The following WDPCP variants were observed in gnomAD, a reference collection of about 807,000 sequenced individuals.
WDPCP encodes WD repeat containing planar cell polarity effector.
Under a neutral mutation model 93.1 loss-of-function variants are expected in WDPCP, and 71 were observed. That is an observed-to-expected ratio of 0.76 (90% CI 0.63 to 0.93). WDPCP has a LOEUF of 0.93. Ranked by LOEUF, WDPCP falls within the 40% of genes least tolerant of loss-of-function variation. The pLI is 0.00. For synonymous variants in WDPCP, 315 were observed against 315.0 expected, an observed-to-expected ratio of 1.00 and a Z score of 0.00; for missense variants, 844 against 887.4, an observed-to-expected ratio of 0.95 and a Z score of 0.62.
At chr2:63,457,809 C>G (rs1054253462) in intron 6 of WDPCP, among the ~76,000 whole-genome samples, 1 of 152,070 alleles carries the variant, frequency 6.6e-6, no homozygotes, top group African/African-American at 2.4e-5. Flanking sequence ...ATCCATCATA[C>G]TGAATAAGGA....
intron 2 of WDPCP, among the ~76,000 whole-genome samples, chr2:63,685,042 A>G (rs116709621): frequency 0.011 from 1,733 of 152,254 alleles, 14 homozygotes; most frequent in Non-Finnish European, 0.013. Context: ...TTCAAATAAC[A>G]ATGCATCATA....
chr2:63,837,031 A>G, the WDPCP span, among the ~76,000 whole-genome samples: 1 of 152,250 alleles, frequency 6.6e-6, no homozygotes, highest in Admixed American at 6.5e-5. Flanking sequence ...GCTCTGATGT[A>G]AAAGTTATAT....
chr2:63,617,887 A>G (rs1709690049), intron 3 of WDPCP, among the ~76,000 whole-genome samples: 1 of 152,222 alleles, frequency 6.6e-6, no homozygotes, highest in Admixed American at 6.5e-5. Flanking sequence ...TCATATGCAT[A>G]TATGTACACA....
At chr2:63,429,973 TTA>T (rs956489336) in intron 9 of WDPCP, among the ~76,000 whole-genome samples, 1 of 114,378 alleles carries the variant, frequency 8.7e-6, no homozygotes, top group Non-Finnish European at 1.8e-5. Flanking sequence ...AAAGAAAATG[TTA>T]TACACACACA....
chr2:63,139,094 C>T (rs777237743), intron 17 of WDPCP, among the ~76,000 whole-genome samples: 17 of 151,108 alleles, frequency 1.1e-4, no homozygotes, highest in Admixed American at 3.9e-4. Flanking sequence ...TATATATATA[C>T]GTGTATATAC....
intron 10 of WDPCP, among the ~76,000 whole-genome samples, chr2:63,392,804 C>T (rs1575313910): frequency 1.3e-5 from 2 of 152,310 alleles, no homozygotes; most frequent in African/African-American, 4.8e-5. Flanking sequence ...CATCACTGGT[C>T]ATCAGAGAAA....
chr2:63,831,538 T>C (rs771283495), upstream of WDPCP, among the ~76,000 whole-genome samples: 1 of 152,190 alleles, frequency 6.6e-6, no homozygotes, highest in African/African-American at 2.4e-5. Context: ...TATCCTTTTA[T>C]ATTGATGCTA....
At chr2:63,248,708 T>C (rs1281211020) in intron 14 of WDPCP, among the ~76,000 whole-genome samples, 7 of 152,172 alleles carry the variant, frequency 4.6e-5, no homozygotes, top group Non-Finnish European at 8.8e-5. Context: ...TAGTTCACTT[T>C]TCATAATTCT....
chr2:63,810,030 ACTACT>A (rs1670838437), intron 2 of WDPCP, among the ~76,000 whole-genome samples: 2 of 152,212 alleles, frequency 1.3e-5, no homozygotes, highest in Non-Finnish European at 1.5e-5. Context: ...CAGAATCCAC[ACTACT>A]CTACAACATT....
At chr2:63,495,024 G>A (rs1701142393) in intron 1 of WDPCP, among the ~76,000 whole-genome samples, 1 of 151,938 alleles carries the variant, frequency 6.6e-6, no homozygotes, top group Admixed American at 6.6e-5. Flanking sequence ...GGAGGAAACA[G>A]GCTACAATAG....
chr2:63,638,968 A>G (rs527714770), intron 3 of WDPCP, among the ~76,000 whole-genome samples: 1 of 152,332 alleles, frequency 6.6e-6, no homozygotes, highest in South Asian at 2.1e-4. Flanking sequence ...ACACTCAAAG[A>G]ATAATAAGGG....
chr2:63,371,816 T>A (rs1691421316), intron 12 of WDPCP, among the ~76,000 whole-genome samples: 1 of 152,122 alleles, frequency 6.6e-6, no homozygotes, highest in South Asian at 2.1e-4. Context: ...AATCTGGCAA[T>A]CTTATTTAAA....
In WDPCP at chr2:63,186,072, T is replaced by C. The variant is rs565083254; in HGVS notation, c.1916-11240A>G. ...TGAAGACCAGGGCAGCCAAAGCTCC[T>C]AGACCAGGTGAGCTGGTGTGGGAAT... is the stretch of plus-strand genomic sequence containing the variant. On this transcript the variant is annotated intron_variant, in intron 14 of 17. Transcript: ENST00000272321. Among the ~76,000 whole-genome samples, 6 of 152,312 alleles carry C rather than the reference T, an allele frequency of 3.9e-5. No homozygotes were observed. In the East Asian group the frequency reaches 1.2e-3, roughly 29 times the overall value.
intron 13 of WDPCP, among the ~76,000 whole-genome samples, chr2:63,263,152 A>G (rs1224149478): frequency 6.6e-6 from 1 of 152,172 alleles, no homozygotes; most frequent in African/African-American, 2.4e-5. Flanking sequence ...TGAAAGACAT[A>G]TCTAGTATCT....
In WDPCP at chr2:63,455,944, A is replaced by G. The variant is rs537373507; in HGVS notation, c.385-16073T>C. Among the ~76,000 whole-genome samples, 7 of 152,234 alleles carry G rather than the reference A, an allele frequency of 4.6e-5. No individual in the cohort carries two copies. In the South Asian group the frequency reaches 1.2e-3, roughly 27 times the overall value. ...GTTAGGCCACAAAAAAAGTCTCAAC[A>G]AAAGTTTGAAAATGGAAATCATATC... is the stretch of plus-strand genomic sequence containing the variant. On this transcript the variant is annotated intron_variant, in intron 6 of 17. Coordinates refer to ENST00000272321, the MANE Select transcript of WDPCP (RefSeq NM_015910.7).
At chr2:63,773,796 TGAAA>T (rs893190265) in intron 2 of WDPCP, among the ~76,000 whole-genome samples, 1 of 152,096 alleles carries the variant, frequency 6.6e-6, no homozygotes, top group African/African-American at 2.4e-5. Context: ...AACATTATTC[TGAAA>T]GAGAGAAAAA....
intron 12 of WDPCP, among the ~76,000 whole-genome samples, chr2:63,375,841 A>G (rs1421047326): frequency 6.6e-6 from 1 of 151,926 alleles, no homozygotes; most frequent in Non-Finnish European, 1.5e-5. Context: ...TCCAATCCAA[A>G]TTCAGGCAAT....
At chr2:63,588,756 G>C, upstream of WDPCP, 2 of 522,130 alleles carry the variant, frequency 3.8e-6, no homozygotes, top group Non-Finnish European at 6.9e-6. Flanking sequence ...CAATCACAGG[G>C]GCTCATCCTC....
At chr2:63,577,407 G>C (rs1708189643) in intron 1 of WDPCP, among the ~76,000 whole-genome samples, 1 of 152,130 alleles carries the variant, frequency 6.6e-6, no homozygotes, top group Admixed American at 6.5e-5. Context: ...GGAGTTTGCT[G>C]AATGGAAATG....
Sources: allele counts gnomAD v4.1 joint callset (sites outside exome capture counted in the v4.1 genomes callset), GRCh38; gene constraint gnomAD v4.1.1; transcripts MANE v1.5; gene names NCBI Gene and HGNC (gene_info 2026-07-23, HGNC 2026-07-21).